EXOC4: variants seen among roughly 807,000 people sequenced by gnomAD.
EXOC4 encodes exocyst complex component 4.
In EXOC4, 71 loss-of-function variants were observed where a neutral mutation model predicts 107.2. That is an observed-to-expected ratio of 0.66 (90% confidence interval 0.55 to 0.81). EXOC4 has a LOEUF of 0.81. Ranked by LOEUF, EXOC4 falls within the 30% of genes least tolerant of loss-of-function variation. The pLI is 0.00. For synonymous variants in EXOC4, 456 were observed against 441.2 expected, an observed-to-expected ratio of 1.03 and a Z score of -0.42; for missense variants, 1,108 against 1,189.6, an observed-to-expected ratio of 0.93 and a Z score of 1.01.
intron 10 of EXOC4, among the ~76,000 whole-genome samples, chr7:133,649,487 A>ATTTC (rs1562891258): frequency 6.3e-5 from 1 of 15,998 alleles, no homozygotes; most frequent in Non-Finnish European, 1.5e-4. Context: ...TTTTTTTTTA[A>ATTTC]CCAGTAAAGA....
chr7:133,273,954 C>T (rs1793931799), intron 1 of EXOC4, among the ~76,000 whole-genome samples: 1 of 151,862 alleles, frequency 6.6e-6, no homozygotes. Flanking sequence ...TCTAAATTAC[C>T]ACAGCCAACA....
intron 9 of EXOC4, among the ~76,000 whole-genome samples, chr7:133,597,033 A>T (rs1801690790): frequency 6.6e-6 from 1 of 152,170 alleles, no homozygotes; most frequent in Non-Finnish European, 1.5e-5. Flanking sequence ...TCTTCAGTAT[A>T]TGTGGAATAT....
chr7:133,576,890 T>G (rs1441950529), intron 9 of EXOC4: 1 of 1,286,534 alleles, frequency 7.8e-7, no homozygotes, highest in Admixed American at 2.3e-5. Context: ...GTTTTAAGAT[T>G]AAATTAACTT....
chr7:133,395,790 C>T (rs1796958577), intron 7 of EXOC4, among the ~76,000 whole-genome samples: 1 of 152,080 alleles, frequency 6.6e-6, no homozygotes, highest in African/African-American at 2.4e-5. Context: ...ACAGAATAAA[C>T]TTGTGCTAAC....
intron 10 of EXOC4, among the ~76,000 whole-genome samples, chr7:133,739,423 G>A (rs1470546903): frequency 6.6e-6 from 1 of 152,116 alleles, no homozygotes; most frequent in East Asian, 1.9e-4. Flanking sequence ...GGAGAGCAGT[G>A]ACAAGCTGGA....
intron 9 of EXOC4, among the ~76,000 whole-genome samples, chr7:133,588,100 A>C (rs1324015486): frequency 6.6e-6 from 1 of 152,164 alleles, no homozygotes; most frequent in East Asian, 1.9e-4. Flanking sequence ...TCCCTAAGGG[A>C]AATTGTGTAT....
chr7:133,426,338 A>G (rs1321495586), intron 7 of EXOC4, among the ~76,000 whole-genome samples: 6 of 152,264 alleles, frequency 3.9e-5, no homozygotes. Flanking sequence ...GGAAAGAGCA[A>G]GTAAATATTT....
At chr7:133,261,534 G>A (rs1039198136) in intron 1 of EXOC4, among the ~76,000 whole-genome samples, 2 of 152,040 alleles carry the variant, frequency 1.3e-5, no homozygotes, top group East Asian at 1.9e-4. Flanking sequence ...CACCACACCC[G>A]GGCACCTTGT....
intron 11 of EXOC4, among the ~76,000 whole-genome samples, chr7:133,876,980 A>G (rs1798863015): frequency 6.6e-6 from 1 of 152,110 alleles, no homozygotes; most frequent in Admixed American, 6.5e-5. Flanking sequence ...CAAATTTGGA[A>G]AATTTCCAGC....
chr7:133,880,578 A>G (rs993110319), intron 11 of EXOC4, among the ~76,000 whole-genome samples: 1 of 152,188 alleles, frequency 6.6e-6, no homozygotes. Flanking sequence ...CTACCTTATT[A>G]TGTAATATTA....
intron 9 of EXOC4, among the ~76,000 whole-genome samples, chr7:133,564,606 C>G (rs567995309): frequency 1.3e-5 from 2 of 152,224 alleles, no homozygotes; most frequent in African/African-American, 4.8e-5. Context: ...AAACCAACTA[C>G]ACCATACCTT....
At chr7:133,348,708 G>A (rs1001314257) in intron 5 of EXOC4, among the ~76,000 whole-genome samples, 1 of 152,178 alleles carries the variant, frequency 6.6e-6, no homozygotes, top group African/African-American at 2.4e-5. Context: ...TCTCCTTGCT[G>A]TGGGGTTGGT....
At chr7:133,632,057 AATAT>A (rs1018881957) in intron 10 of EXOC4, among the ~76,000 whole-genome samples, 11 of 152,242 alleles carry the variant, frequency 7.2e-5, no homozygotes, top group African/African-American at 2.6e-4. Flanking sequence ...GTTAGAATGA[AATAT>A]ATATACACAC....
chr7:133,709,813 A>G (rs1323542341), intron 10 of EXOC4, among the ~76,000 whole-genome samples: 3 of 152,202 alleles, frequency 2.0e-5, no homozygotes, highest in Admixed American at 1.3e-4. Context: ...AAATGGGGAT[A>G]GCAATAGAAC....
chr7:134,033,603 A>G (rs1476774587), intron 17 of EXOC4, among the ~76,000 whole-genome samples: 1 of 152,152 alleles, frequency 6.6e-6, no homozygotes, highest in Admixed American at 6.5e-5. Context: ...AGAACAGAGA[A>G]TGAAGGGGAG....
intron 9 of EXOC4, among the ~76,000 whole-genome samples, chr7:133,525,882 TC>T (rs766479967): frequency 6.6e-6 from 1 of 152,176 alleles, no homozygotes; most frequent in East Asian, 1.9e-4. Context: ...ATACGTGTTT[TC>T]CCCCTCTAAG....
the EXOC4 span, among the ~76,000 whole-genome samples, chr7:134,083,039 G>A: frequency 1.3e-5 from 2 of 152,104 alleles, no homozygotes; most frequent in African/African-American, 2.4e-5. Context: ...GGAAAAGGGT[G>A]GAATCTTTCT....
intron 14 of EXOC4, among the ~76,000 whole-genome samples, chr7:133,990,697 A>G (rs1250324108): frequency 6.6e-6 from 1 of 151,962 alleles, no homozygotes; most frequent in East Asian, 1.9e-4. Context: ...CTCGTGATCC[A>G]CCCACCTCGG....
At chr7:134,097,092 C>A in the EXOC4 span, among the ~76,000 whole-genome samples, 4 of 152,116 alleles carry the variant, frequency 2.6e-5, no homozygotes, top group Admixed American at 2.0e-4. Context: ...TCAGAAACCA[C>A]ATGGAAGACT....
Sources: gnomAD v4.1 joint callset for allele counts (sites outside exome capture counted in the v4.1 genomes callset) on GRCh38, gnomAD v4.1.1 for gene constraint, MANE v1.5 for transcripts, NCBI Gene and HGNC (gene_info 2026-07-23, HGNC 2026-07-21) for gene names.